The following MED17 variants were observed in gnomAD, a reference collection of about 807,000 sequenced individuals.
MED17 encodes mediator of RNA polymerase II transcription subunit 17.
A neutral mutation model predicts 80.8 loss-of-function variants in MED17; 49 were observed. That is an observed-to-expected ratio of 0.61 (90% CI 0.48 to 0.77). The LOEUF (loss-of-function observed/expected upper bound fraction) is 0.77, where lower values mean the gene tolerates loss of function less well. MED17 is among the 30% of genes least tolerant of loss of function. The pLI is 0.00. For synonymous variants in MED17, 281 were observed against 280.4 expected (o/e 1.00, Z -0.02); for missense variants, 718 against 787.0 (o/e 0.91, Z 1.05).
At chr11:93,807,696 T>A in intron 10 of MED17, 61 bp downstream of exon 10, 2 of 1,024,384 alleles carry the variant, frequency 2.0e-6, no homozygotes, top group Non-Finnish European at 3.1e-6. Flanking sequence ...AAGAACAAAT[T>A]GGTTAAAAAG....
intron 9 of MED17, chr11:93,807,254 A>G (rs185087218): frequency 9.6e-5 from 36 of 374,978 alleles, no homozygotes; most frequent in African/African-American, 7.3e-4. Context: ...TCTACTAAAA[A>G]TAACAAAAAT....
At chr11:93,797,481 T>C (rs1428463433) in intron 7 of MED17, 54 bp from the exon 8 acceptor site, 1 of 1,473,394 alleles carries the variant, frequency 6.8e-7, no homozygotes, top group Non-Finnish European at 9.5e-7. Context: ...TGACTAAATA[T>C]TATGTAGCAT....
At chr11:93,785,057 T>C in intron 1 of MED17, 1 of 507,050 alleles carries the variant, frequency 2.0e-6, no homozygotes, top group African/African-American at 1.9e-5. Context: ...TGTAGCACAC[T>C]TAGTGGCTAA....
intron 11 of MED17, chr11:93,810,212 C>T (rs972361142): frequency 6.3e-6 from 2 of 319,180 alleles, no homozygotes; most frequent in Non-Finnish European, 1.2e-5. Context: ...AGAAAAATAT[C>T]TGATCCTAAA....
At chr11:93,807,949 C>G in intron 10 of MED17, 1 of 366,340 alleles carries the variant, frequency 2.7e-6, no homozygotes. Flanking sequence ...ACAACATCTC[C>G]AGAGTTGTTG....
intron 8 of MED17, chr11:93,801,090 C>G (rs1304894752): frequency 1.3e-5 from 2 of 152,152 alleles, no homozygotes. Flanking sequence ...GTTTTTGGCT[C>G]TGGATTTAGA....
At position 93,796,680 on chromosome 11, in the gene MED17, G is replaced by A. The variant is rs531902823; in HGVS notation, c.1143+140G>A. 83 of 997,134 alleles carry A rather than the reference G, an allele frequency of 8.3e-5. 1 individual carries two copies. The South Asian group carries it at 9.5e-4, about 11-fold the overall frequency. The allele number at this position is 997,134 out of a possible 1,614,324, so 61.8% of individuals were successfully genotyped here. A position where few individuals can be genotyped will look rare whatever the true frequency, so the allele number is the denominator to read the frequency against. On this transcript the variant is annotated intron_variant, in intron 7 of 11. Transcript: ENST00000251871. ...CTGTCTGATGTGAAAGATCCTTGCT[G>A]TGTGCTAGGGGAATACAGAGATAAT...
At chr11:93,791,203 T>G (rs1207437599) in intron 3 of MED17, among the ~76,000 whole-genome samples, 1 of 152,246 alleles carries the variant, frequency 6.6e-6, no homozygotes, top group Non-Finnish European at 1.5e-5. Flanking sequence ...TTTCAAAATT[T>G]TAATTTCTGT....
Position 93,788,119 on chromosome 11 carries a change from A to C in MED17, c.369A>C (p.Lys123Asn). The C allele has an allele frequency of 6.2e-7, 1 of 1,613,732 alleles. No homozygotes were observed. The highest frequency in any genetic ancestry group is 8.5e-7 in the Non-Finnish European group (1 of 1,179,688). The change falls in exon 2 of 12, where the codon AAA becomes AAC. Residue 123 changes from lysine (K) to asparagine (N), a missense_variant. By Grantham distance (94) the Lys-to-Asn change is moderately conservative. Transcript: ENST00000251871. ...YDVLSIVRDKKFMTLDPVSQD... is the reference protein window; with the variant it reads ...YDVLSIVRDKNFMTLDPVSQD... Reference sequence around the variant, plus strand: ...TTCTCAGTATTGTTAGGGATAAAAAATTTATGACTCTTGATCCTGTCTCTC... The same window carrying C: ...TTCTCAGTATTGTTAGGGATAAAAACTTTATGACTCTTGATCCTGTCTCTC...
intron 8 of MED17, among the ~76,000 whole-genome samples, chr11:93,798,391 T>C (rs1943927527): frequency 6.6e-6 from 1 of 152,274 alleles, no homozygotes; most frequent in Admixed American, 6.5e-5. Context: ...GCCTGTTTTT[T>C]ACTTCATTTG....
At position 93,809,792 on chromosome 11, in the gene MED17, C is replaced by A; in HGVS notation, c.1660C>A (p.His554Asn). 1 of 1,614,148 alleles carries A rather than the reference C, an allele frequency of 6.2e-7. No homozygotes were observed. Among genetic ancestry groups the A allele is most frequent in the Non-Finnish European group, 8.5e-7 (1 of 1,180,014 alleles). ...CTGGCAAGTACTGAGCTTCAGTAAT[C>A]ATGTGGGACTTGGACCTATAGAGAG... Reference protein sequence around the residue: ...MGWQVLSFSNHVGLGPIESIG... With the variant: ...MGWQVLSFSNNVGLGPIESIG... Residue 554 changes from histidine to asparagine, a missense_variant, in exon 11 of 12, where the codon CAT becomes AAT. By Grantham distance (68) the His-to-Asn change is moderately conservative. Coordinates refer to ENST00000251871, the MANE Select transcript of MED17 (RefSeq NM_004268.5).
chr11:93,789,834 C>G (rs1424868819), intron 2 of MED17: 1 of 149,090 alleles, frequency 6.7e-6, no homozygotes, highest in Non-Finnish European at 1.5e-5. Context: ...TGTTGCACAT[C>G]TGGAGTCCCA....
At chr11:93,789,111 T>A (rs1380348179) in intron 2 of MED17, 1 of 152,200 alleles carries the variant, frequency 6.6e-6, no homozygotes, top group Non-Finnish European at 1.5e-5. Context: ...AAAACAAGTG[T>A]CAAGACCATA....
At chr11:93,788,680 C>T (rs866767837) in intron 2 of MED17, 4 of 123,520 alleles carry the variant, frequency 3.2e-5, no homozygotes, top group African/African-American at 1.3e-4. Context: ...GATTCCATCC[C>T]AAAAAAAAAA....
chr11:93,791,975 T>C (rs1943841447), intron 3 of MED17, among the ~76,000 whole-genome samples: 1 of 152,240 alleles, frequency 6.6e-6, no homozygotes, highest in African/African-American at 2.4e-5. Flanking sequence ...TTTGATGATG[T>C]TGACTTCATA....
intron 11 of MED17, chr11:93,810,929 C>G (rs1944080440): frequency 1.3e-5 from 2 of 152,246 alleles, no homozygotes; most frequent in Admixed American, 1.3e-4. Flanking sequence ...TGCACTTACA[C>G]AGCCCTAGAT....
At chr11:93,805,143 T>C (rs1487214211) in intron 9 of MED17, among the ~76,000 whole-genome samples, 1 of 152,264 alleles carries the variant, frequency 6.6e-6, no homozygotes, top group African/African-American at 2.4e-5. Flanking sequence ...ACCTCATTTT[T>C]TTCTTACAGC....
intron 8 of MED17, among the ~76,000 whole-genome samples, chr11:93,798,955 A>G (rs767913181): frequency 1.3e-5 from 2 of 152,198 alleles, no homozygotes; most frequent in Admixed American, 6.5e-5. Context: ...TAACCATTAT[A>G]AATTTCAGAG....
Position 93,813,140 on chromosome 11 carries a change from A to G in MED17, c.*1076A>G, listed in dbSNP as rs1452728271. The G allele has an allele frequency of 6.6e-6, 1 of 152,232 alleles. No homozygotes were observed. The highest frequency in any genetic ancestry group is 2.4e-5 in the African/African-American group (1 of 41,456). 9.4% of individuals were successfully genotyped at this position (152,232 alleles called of 1,614,324 possible). On this transcript the variant is annotated 3_prime_UTR_variant, in exon 12 of 12. Coordinates refer to ENST00000251871, the MANE Select transcript of MED17 (RefSeq NM_004268.5). ...AGTGTGCCCATTAATATGAGGATAG[A>G]TTTAGGCTCATAAGCCTTTTGGTAA...
Sources: allele counts gnomAD v4.1 joint callset (sites outside exome capture counted in the v4.1 genomes callset), GRCh38; gene constraint gnomAD v4.1.1; transcripts MANE v1.5; gene names NCBI Gene and HGNC (gene_info 2026-07-23, HGNC 2026-07-21).